INPP5D: variants seen among roughly 807,000 people sequenced by gnomAD.
INPP5D encodes the protein inositol polyphosphate-5-phosphatase D, also known as phosphatidylinositol 3,4,5-trisphosphate 5-phosphatase 1.
A neutral mutation model predicts 122.9 loss-of-function variants in INPP5D; 33 were observed. That is an observed-to-expected ratio of 0.27 (90% CI 0.20 to 0.36). The LOEUF is 0.36. Ranked by LOEUF, INPP5D falls within the 10% of genes least tolerant of loss-of-function variation. The pLI, the probability that INPP5D is intolerant of heterozygous loss-of-function variation, is 1.00. For missense variants in INPP5D, 1,053 were observed against 1,412.7 expected, an observed-to-expected ratio of 0.75 and a Z score of 4.08; for synonymous variants, 584 against 576.2, an observed-to-expected ratio of 1.01 and a Z score of -0.19.
chr2:233,087,859 C>G (rs1691893114), intron 2 of INPP5D, among the ~76,000 whole-genome samples: 1 of 152,182 alleles, frequency 6.6e-6, no homozygotes, highest in African/African-American at 2.4e-5. Flanking sequence ...TATCTATTGA[C>G]TTGCTTTTCA....
intron 19 of INPP5D, among the ~76,000 whole-genome samples, chr2:233,182,954 A>C (rs2106314132): frequency 6.6e-6 from 1 of 152,354 alleles, no homozygotes; most frequent in African/African-American, 2.4e-5. Context: ...AATTTTAAAA[A>C]GTGAGTCTAT....
In INPP5D at chr2:233,189,835, C is replaced by T. The variant is rs763248329; in HGVS notation, c.2359-15C>T. ...CTTGCCCATCAACTCCAGTCCTGTG[C>T]CCTTCTCTCTGCAGCTGAAGCCCAT... On this transcript the variant is annotated splice_polypyrimidine_tract_variant and intron_variant, in intron 21 of 26. Coordinates refer to ENST00000445964, the MANE Select transcript of INPP5D (RefSeq NM_001017915.3). This position sits in a 1 kb window ranked among gnomAD's most constrained non-coding sequence, Gnocchi z 5.6. 20 of 1,612,164 alleles carry T rather than the reference C, an allele frequency of 1.2e-5. No individual in the cohort carries two copies. The South Asian group carries it at 2.1e-4, about 17-fold the overall frequency.
intron 2 of INPP5D, among the ~76,000 whole-genome samples, chr2:233,117,169 G>A (rs1692825907): frequency 6.6e-6 from 1 of 152,288 alleles, no homozygotes; most frequent in East Asian, 1.9e-4. Flanking sequence ...ACTCTTTTCA[G>A]GAAGGCGGCT....
intron 9 of INPP5D, among the ~76,000 whole-genome samples, chr2:233,154,529 A>G (rs1287504561): frequency 1.3e-5 from 2 of 152,212 alleles, no homozygotes; most frequent in Non-Finnish European, 2.9e-5. Flanking sequence ...GGTTACAGGA[A>G]GAAGGCCTGG....
chr2:233,179,257 A>G (rs1040591884), intron 18 of INPP5D, among the ~76,000 whole-genome samples: 2 of 152,102 alleles, frequency 1.3e-5, no homozygotes, highest in South Asian at 4.2e-4. Flanking sequence ...CCTCCCTGCC[A>G]CCCGTCGGAC....
In INPP5D at chr2:233,177,179, A is replaced by G; in HGVS notation, c.1990-86A>G. ...AACAGCCGATGAATTTGAGGATTAC[A>G]GAGGCCACCAGTTAATCTGTTCTTT... is the stretch of plus-strand genomic sequence containing the variant. On this transcript the variant is annotated intron_variant, in intron 17 of 26. Transcript: ENST00000445964. This position sits in a 1 kb window ranked among gnomAD's most constrained non-coding sequence, Gnocchi z 4.2. 6.4e-7 allele frequency: 1 copy of G among 1,557,778 alleles called. No homozygotes were observed. The highest frequency in any genetic ancestry group is 8.8e-7 in the Non-Finnish European group (1 of 1,142,000).
intron 4 of INPP5D, among the ~76,000 whole-genome samples, chr2:233,127,690 C>T (rs893420120): frequency 6.6e-6 from 1 of 152,212 alleles, no homozygotes; most frequent in Non-Finnish European, 1.5e-5. Context: ...CTCACTGCAA[C>T]CTCCCCCTCC....
chr2:233,133,736 T>G (rs1274110877), intron 5 of INPP5D, among the ~76,000 whole-genome samples: 1 of 152,176 alleles, frequency 6.6e-6, no homozygotes, highest in African/African-American at 2.4e-5. Flanking sequence ...TGTGCAGGGC[T>G]GGGCCATGAT....
Position 233,169,292 on chromosome 2 carries a change from CTCT to C in INPP5D, c.1556-8_1556-6del, listed in dbSNP as rs764820876. 5 of 1,590,028 alleles carry C rather than the reference CTCT, an allele frequency of 3.1e-6. 1 individual carries two copies. Among genetic ancestry groups the C allele is most frequent in the Non-Finnish European group, 4.3e-6 (5 of 1,167,550 alleles). On this transcript the variant is annotated splice_polypyrimidine_tract_variant and intron_variant, in intron 13 of 26. Transcript: ENST00000445964. ...TTTGATATTTTGATTCTTCTTTCTG[CTCT>C]TCTTTTTAGGGAACAAGGGAGCCGT...
At chr2:233,109,068 T>C (rs914272546) in intron 2 of INPP5D, among the ~76,000 whole-genome samples, 4 of 152,196 alleles carry the variant, frequency 2.6e-5, no homozygotes, top group African/African-American at 9.6e-5. Context: ...CTATGTCCTA[T>C]CTACTCCCAT....
chr2:233,108,402 C>T (rs1692521950), intron 2 of INPP5D, among the ~76,000 whole-genome samples: 2 of 152,260 alleles, frequency 1.3e-5, no homozygotes, highest in Non-Finnish European at 2.9e-5. Context: ...GTTTCCCCAT[C>T]TGTAAGCTGA....
rs200417753 is a variant in INPP5D, at chr2:233,109,561, G to GT, written c.199-12539dup. 8.5e-4 allele frequency among the ~76,000 whole-genome samples: 130 copies of GT among 152,118 alleles called. 1 individual carries two copies. Among genetic ancestry groups the GT allele is most frequent in the African/African-American group, 3.1e-3 (129 of 41,512 alleles). On this transcript the variant is annotated intron_variant, in intron 2 of 26. Coordinates refer to ENST00000445964, the MANE Select transcript of INPP5D (RefSeq NM_001017915.3). ...AAAATAGACACTTTTAGGCAAGATG[G>GT]TTTTTTTCTTTCTTTTTTATTTTTT...
chr2:233,116,254 T>TAG (rs10682867), intron 2 of INPP5D, among the ~76,000 whole-genome samples: 2,926 of 95,882 alleles, frequency 0.031, 37 homozygotes, highest in African/African-American at 0.063. Context: ...GATAGATAGA[T>TAG]ATAGATATAG....
At chr2:233,146,630 A>G (rs36181881) in intron 8 of INPP5D, among the ~76,000 whole-genome samples, 192 bp downstream of exon 8, 93,582 of 152,080 alleles carry the variant, frequency 0.62, 30,585 homozygotes, top group East Asian at 0.98. Flanking sequence ...GCACCCAGAG[A>G]CAACTGGGAA....
Position 233,079,107 on chromosome 2 carries a change from C to A in INPP5D, c.135-228C>A, listed in dbSNP as rs537017282. Among the ~76,000 whole-genome samples the A allele has an allele frequency of 5.3e-4, 81 of 152,252 alleles. 2 individuals carry two copies. In the East Asian group the frequency reaches 5.6e-3, roughly 11 times the overall value. On this transcript the variant is annotated intron_variant, in intron 1 of 26. Transcript: ENST00000445964. ...CCCCACCTAAATGACCCCCCCCAAC[C>A]TTTTCCTGGTGCTCCCTGAGTGCAG...
chr2:233,127,415 C>T (rs1160287768), intron 4 of INPP5D, among the ~76,000 whole-genome samples: 2 of 152,204 alleles, frequency 1.3e-5, no homozygotes, highest in Admixed American at 6.5e-5. Context: ...CAGTCTATTT[C>T]GCTTGTCAAG....
At chr2:233,147,836 T>C (rs1693809851) in intron 9 of INPP5D, among the ~76,000 whole-genome samples, 1 of 151,992 alleles carries the variant, frequency 6.6e-6, no homozygotes, top group South Asian at 2.1e-4. Context: ...TGTTGACAAT[T>C]GGGTAGTGTC....
chr2:233,125,157 C>T (rs1247876296), intron 3 of INPP5D, among the ~76,000 whole-genome samples: 1 of 152,246 alleles, frequency 6.6e-6, no homozygotes, highest in East Asian at 1.9e-4. Flanking sequence ...AAGTTCAAGT[C>T]ATTTGTTGAA....
rs1164868125 is a variant in INPP5D at position 233,182,485 on chromosome 2, T to A, written c.2147T>A (p.Phe716Tyr). The change falls in exon 19 of 27, where the codon TTT (phenylalanine) becomes TAT (tyrosine). Residue 716 changes from phenylalanine to tyrosine, a missense_variant. Phe to Tyr is a conservative substitution (Grantham distance 22, BLOSUM62 3). Around this residue, in one of 6 missense-constraint regions of INPP5D, gnomAD observed 258 missense variants for 439.1 expected, o/e 0.59. Transcript: ENST00000445964. ...ATFEAGVTSQFVSKNGPGTVD... is the reference protein window; with the variant it reads ...ATFEAGVTSQYVSKNGPGTVD... ...TTTGAGGCAGGAGTCACTTCCCAGTTTGTCTCCAAGAACGGTAAGCAAAGG... is the reference window on the plus strand; with the variant it reads ...TTTGAGGCAGGAGTCACTTCCCAGTATGTCTCCAAGAACGGTAAGCAAAGG... The A allele has an allele frequency of 1.2e-6, 2 of 1,613,520 alleles. No individual in the cohort carries two copies. The highest frequency in any genetic ancestry group is 1.7e-6 in the Non-Finnish European group (2 of 1,179,572).
Sources: gnomAD v4.1 joint callset for allele counts (sites outside exome capture counted in the v4.1 genomes callset) on GRCh38, gnomAD v4.1.1 for gene constraint, gnomAD v4.1.1 regional missense constraint, Gnocchi (gnomAD v3.1) non-coding constraint, MANE v1.5 for transcripts, NCBI Gene and HGNC (gene_info 2026-07-23, HGNC 2026-07-21) for gene names.